The following MMP16 variants were observed in gnomAD, a reference collection of about 807,000 sequenced individuals.
The protein encoded by MMP16 is matrix metallopeptidase 16, also known as matrix metalloproteinase-16.
A neutral mutation model predicts 67.8 loss-of-function variants in MMP16; 12 were observed. That is an observed-to-expected ratio of 0.18 (90% confidence interval 0.11 to 0.29). The LOEUF is 0.29. Among genes scored for constraint, MMP16 ranks in the 10% least tolerant of loss-of-function variants. MMP16 has a pLI of 1.00. For synonymous variants in MMP16, 249 were observed against 255.9 expected (o/e 0.97, Z 0.26); for missense variants, 475 against 765.7 (o/e 0.62, Z 4.48).
At chr8:88,311,148 C>T (rs561959840) in intron 1 of MMP16, among the ~76,000 whole-genome samples, 4 of 151,986 alleles carry the variant, frequency 2.6e-5, no homozygotes, top group African/African-American at 7.2e-5. Flanking sequence ...GATTTAGAGA[C>T]GGCTCACTAA....
intron 3 of MMP16, among the ~76,000 whole-genome samples, chr8:88,172,135 T>C (rs970900334): frequency 1.3e-5 from 2 of 152,198 alleles, no homozygotes; most frequent in African/African-American, 2.4e-5. Flanking sequence ...GCATTTTTAA[T>C]TGTGTTCTCA....
intron 1 of MMP16, among the ~76,000 whole-genome samples, chr8:88,256,173 A>G (rs539754473): frequency 5.9e-5 from 9 of 152,252 alleles, no homozygotes; most frequent in Admixed American, 5.9e-4. Flanking sequence ...CCAAGTTTAT[A>G]ACCTGTAATG....
intron 2 of MMP16, among the ~76,000 whole-genome samples, chr8:88,190,448 A>G (rs1262969509): frequency 6.6e-6 from 1 of 152,244 alleles, no homozygotes; most frequent in East Asian, 1.9e-4. Flanking sequence ...CCCAATGGAT[A>G]TAAAGAATGC....
chr8:88,153,301 T>C lies in MMP16; in HGVS notation c.709+14368A>G, dbSNP rs1465996112. On this transcript the variant is annotated intron_variant, in intron 4 of 9. Transcript: ENST00000286614. Reference sequence around the variant, plus strand: ...AATGGCCATACTGCCCAAGGTAATTTACAGATTCAATGCCGTCCCCATCAA... The same window carrying C: ...AATGGCCATACTGCCCAAGGTAATTCACAGATTCAATGCCGTCCCCATCAA... Among the ~76,000 whole-genome samples the C allele has an allele frequency of 6.6e-5, 10 of 152,264 alleles. No individual in the cohort carries two copies. The East Asian group carries it at 1.2e-3, about 18-fold the overall frequency.
chr8:88,068,193 T>G (rs1200524522), intron 7 of MMP16, among the ~76,000 whole-genome samples: 1 of 152,126 alleles, frequency 6.6e-6, no homozygotes, highest in Non-Finnish European at 1.5e-5. Context: ...ATGAGCTCAT[T>G]TGACATCCAT....
intron 6 of MMP16, among the ~76,000 whole-genome samples, chr8:88,081,050 A>C (rs1808741280): frequency 6.6e-6 from 1 of 152,044 alleles, no homozygotes. Context: ...CTTGGTAGCG[A>C]GGCTCATCAG....
At chr8:88,287,302 T>A (rs970084813) in intron 1 of MMP16, among the ~76,000 whole-genome samples, 2 of 152,208 alleles carry the variant, frequency 1.3e-5, no homozygotes, top group Non-Finnish European at 2.9e-5. Context: ...TCCTTCTGTA[T>A]GTTATTCTGT....
At chr8:88,056,342 T>G (rs141305110) in intron 7 of MMP16, 64 bp from the exon 8 acceptor site, 9,241 of 751,948 alleles carry the variant, frequency 0.012, 71 homozygotes, top group Non-Finnish European at 0.015. Context: ...ATATATCTAT[T>G]AACACATTTA....
intron 1 of MMP16, among the ~76,000 whole-genome samples, chr8:88,263,987 AGTGTGT>A (rs56663859): frequency 2.1e-5 from 3 of 142,106 alleles, no homozygotes; most frequent in Admixed American, 1.4e-4. Context: ...AGAGAGAGAG[AGTGTGT>A]GTGTGTGTGT....
chr8:88,218,811 CA>C (rs1809634357), intron 1 of MMP16, among the ~76,000 whole-genome samples: 1 of 151,996 alleles, frequency 6.6e-6, no homozygotes, highest in Non-Finnish European at 1.5e-5. Flanking sequence ...AATATGGTAT[CA>C]AATTAAAATC....
At chr8:88,069,533 A>G (rs778170646) in intron 7 of MMP16, 4 of 524,818 alleles carry the variant, frequency 7.6e-6, no homozygotes, top group Non-Finnish European at 1.6e-5. Context: ...CTGCAAAGGA[A>G]AGGTTTGTTT....
At chr8:88,077,621 A>G (rs1198532443) in intron 6 of MMP16, among the ~76,000 whole-genome samples, 1 of 152,216 alleles carries the variant, frequency 6.6e-6, no homozygotes, top group Non-Finnish European at 1.5e-5. Flanking sequence ...TATTTCCAGA[A>G]AAGGACCTTA....
chr8:88,289,560 T>C lies in MMP16; in HGVS notation c.132+37515A>G, dbSNP rs368969945. Among the ~76,000 whole-genome samples the C allele has an allele frequency of 8.9e-4, 136 of 152,222 alleles. 1 individual carries two copies. The highest frequency in any genetic ancestry group is 2.8e-3 in the African/African-American group (117 of 41,526). ...ACAAAGCATTTTTGCAATATAGTCA[T>C]TTCATACAAAAATTTACTTTAGACA... On this transcript the variant is annotated intron_variant, in intron 1 of 9. Transcript: ENST00000286614.
At chr8:88,174,525 A>T (rs1032271602) in intron 3 of MMP16, among the ~76,000 whole-genome samples, 4 of 152,198 alleles carry the variant, frequency 2.6e-5, no homozygotes, top group Admixed American at 6.5e-5. Flanking sequence ...ATTTAACCTA[A>T]GTGAATACAT....
At chr8:88,088,752 C>T (rs1158209982) in intron 6 of MMP16, among the ~76,000 whole-genome samples, 1 of 152,008 alleles carries the variant, frequency 6.6e-6, no homozygotes, top group Non-Finnish European at 1.5e-5. Flanking sequence ...CAAGGTAAGT[C>T]CTCAACACAC....
chr8:88,191,589 T>C (rs895709479), intron 2 of MMP16, among the ~76,000 whole-genome samples: 8 of 152,208 alleles, frequency 5.3e-5, no homozygotes, highest in African/African-American at 1.7e-4. Context: ...GAAATATAAA[T>C]AAACAACTTC....
intron 1 of MMP16, among the ~76,000 whole-genome samples, chr8:88,226,392 C>T (rs1027064664): frequency 2.0e-5 from 3 of 152,070 alleles, no homozygotes; most frequent in Middle Eastern, 3.4e-3. Flanking sequence ...GCAGGTATGA[C>T]TACTGACTTA....
chr8:88,290,880 T>C (rs1429026116), intron 1 of MMP16, among the ~76,000 whole-genome samples: 1 of 152,236 alleles, frequency 6.6e-6, no homozygotes, highest in African/African-American at 2.4e-5. Flanking sequence ...TTTACTCATA[T>C]TTTATTTATG....
At chr8:88,217,756 A>G (rs570254553) in intron 1 of MMP16, among the ~76,000 whole-genome samples, 39 of 152,228 alleles carry the variant, frequency 2.6e-4, no homozygotes, top group Non-Finnish European at 3.4e-4. Flanking sequence ...ATTTAAAAAT[A>G]AAAATATGAA....
Sources: gnomAD v4.1 joint callset for allele counts (sites outside exome capture counted in the v4.1 genomes callset) on GRCh38, gnomAD v4.1.1 for gene constraint, MANE v1.5 for transcripts, NCBI Gene and HGNC (gene_info 2026-07-23, HGNC 2026-07-21) for gene names.